Variants in ADCK1 observed in about 807,000 individuals in gnomAD.
ADCK1 encodes the protein aarF domain-containing protein kinase 1.
In ADCK1, 41 loss-of-function variants were observed where a neutral mutation model predicts 52.3. That is an observed-to-expected ratio of 0.78 (90% CI 0.61 to 1.02). ADCK1 has a LOEUF of 1.02. Ranked by LOEUF, ADCK1 falls within the 50% of genes least tolerant of loss-of-function variation. ADCK1 has a pLI of 0.00. For missense variants in ADCK1, 658 were observed against 679.5 expected, an observed-to-expected ratio of 0.97 and a Z score of 0.35; for synonymous variants, 250 against 274.6, an observed-to-expected ratio of 0.91 and a Z score of 0.89.
At chr14:77,887,602 A>G (rs1001371650) in intron 5 of ADCK1, among the ~76,000 whole-genome samples, 2 of 152,214 alleles carry the variant, frequency 1.3e-5, no homozygotes, top group African/African-American at 4.8e-5. Flanking sequence ...GGATAGACAA[A>G]ATTACATCTT....
intron 3 of ADCK1, among the ~76,000 whole-genome samples, chr14:77,844,225 C>T (rs140780004): frequency 1.1e-4 from 16 of 152,138 alleles, no homozygotes; most frequent in African/African-American, 2.9e-4. Flanking sequence ...GGACTACAAG[C>T]GCACACCACC....
chr14:77,819,223 A>G, intron 2 of ADCK1, 110 bp downstream of exon 2: 1 of 1,473,934 alleles, frequency 6.8e-7, no homozygotes, highest in Admixed American at 2.0e-5. Context: ...ATACTTGTGT[A>G]TCCTTACATG....
chr14:77,901,494 A>AT (rs1416090206), intron 6 of ADCK1, among the ~76,000 whole-genome samples: 1 of 151,652 alleles, frequency 6.6e-6, no homozygotes, highest in African/African-American at 2.4e-5. Context: ...GGTTCAGGCG[A>AT]TTCTCCTGCC....
chr14:77,827,510 A>G (rs181455320), intron 3 of ADCK1, among the ~76,000 whole-genome samples: 23 of 152,078 alleles, frequency 1.5e-4, no homozygotes, highest in African/African-American at 4.8e-4. Flanking sequence ...TTGCAGCCGA[A>G]TGAGTCCTTA....
intron 5 of ADCK1, among the ~76,000 whole-genome samples, chr14:77,898,569 C>T (rs906340923): frequency 6.6e-6 from 1 of 152,094 alleles, no homozygotes; most frequent in Non-Finnish European, 1.5e-5. Context: ...CTTGTTCTCA[C>T]TTATAAGTGG....
At chr14:77,900,177 T>C (rs2083502602) in intron 6 of ADCK1, among the ~76,000 whole-genome samples, 1 of 152,032 alleles carries the variant, frequency 6.6e-6, no homozygotes, top group African/African-American at 2.4e-5. Flanking sequence ...GTTAAATGGC[T>C]AAGAAATACA....
At chr14:77,819,904 G>A (rs2081544438) in intron 2 of ADCK1, among the ~76,000 whole-genome samples, 1 of 152,206 alleles carries the variant, frequency 6.6e-6, no homozygotes, top group Admixed American at 6.5e-5. Context: ...AATACTCAGT[G>A]TTGTCAGGTG....
chr14:77,892,417 C>T (rs982856682), intron 5 of ADCK1, among the ~76,000 whole-genome samples: 3 of 152,090 alleles, frequency 2.0e-5, no homozygotes, highest in African/African-American at 7.2e-5. Flanking sequence ...AATACTAACC[C>T]TTATTATCTC....
intron 3 of ADCK1, among the ~76,000 whole-genome samples, chr14:77,824,475 C>A (rs199661336): frequency 6.7e-6 from 1 of 148,414 alleles, no homozygotes; most frequent in African/African-American, 2.5e-5. Flanking sequence ...GCTCTGTTGC[C>A]CAGGCTGGAG....
At chr14:77,860,062 G>A (rs1486390070) in intron 4 of ADCK1, among the ~76,000 whole-genome samples, 2 of 152,114 alleles carry the variant, frequency 1.3e-5, no homozygotes, top group African/African-American at 4.8e-5. Context: ...CAAATCCCAG[G>A]CAGGGTGCTA....
chr14:77,831,244 C>A (rs1346422825), intron 3 of ADCK1, among the ~76,000 whole-genome samples: 2 of 152,180 alleles, frequency 1.3e-5, no homozygotes, highest in African/African-American at 4.8e-5. Context: ...TGAGCAAACT[C>A]TGTTTCTTCT....
At position 77,902,683 on chromosome 14, in the gene ADCK1, A is replaced by G. The variant is rs150143285; in HGVS notation, c.741+3425A>G. On this transcript the variant is annotated intron_variant, in intron 6 of 10. Coordinates refer to ENST00000238561, the MANE Select transcript of ADCK1 (RefSeq NM_020421.4). ...CAGGTTTGTTAGCACCATGACAGGC[A>G]TTCATCTGTGTTTCTGTGGATTCCC... is the stretch of plus-strand genomic sequence containing the variant. 5 of 152,360 alleles carry G rather than the reference A, an allele frequency of 3.3e-5. No homozygotes were observed. The East Asian group carries it at 9.6e-4, about 29-fold the overall frequency. 9.4% of individuals were successfully genotyped at this position (152,360 alleles called of 1,614,324 possible).
intron 4 of ADCK1, among the ~76,000 whole-genome samples, chr14:77,869,753 G>C (rs927897660): frequency 6.6e-6 from 1 of 152,168 alleles, no homozygotes; most frequent in Non-Finnish European, 1.5e-5. Flanking sequence ...TGGGACTCTT[G>C]TATCTCTCCC....
At chr14:77,916,862 C>T (rs2083937495) in intron 7 of ADCK1, among the ~76,000 whole-genome samples, 1 of 152,234 alleles carries the variant, frequency 6.6e-6, no homozygotes, top group Non-Finnish European at 1.5e-5. Flanking sequence ...TGCTGGGCAG[C>T]TGTTTTTAAT....
At chr14:77,814,894 A>AT (rs1334366848) in intron 1 of ADCK1, among the ~76,000 whole-genome samples, 14 of 147,700 alleles carry the variant, frequency 9.5e-5, no homozygotes, top group African/African-American at 3.6e-4. Context: ...ATTAAAAAAA[A>AT]ATTTTTTTTT....
At chr14:77,894,007 A>G (rs1209404245) in intron 5 of ADCK1, among the ~76,000 whole-genome samples, 1 of 152,200 alleles carries the variant, frequency 6.6e-6, no homozygotes. Context: ...TGCTGGGATT[A>G]CAGGCGTGAG....
chr14:77,921,614 A>G (rs1300472414), intron 7 of ADCK1, among the ~76,000 whole-genome samples: 2 of 152,124 alleles, frequency 1.3e-5, no homozygotes, highest in Admixed American at 6.5e-5. Flanking sequence ...GTCTCTGTCT[A>G]TGCTGGTGAA....
intron 4 of ADCK1, among the ~76,000 whole-genome samples, chr14:77,864,518 AG>A (rs1013092452): frequency 6.6e-6 from 1 of 152,058 alleles, no homozygotes; most frequent in Non-Finnish European, 1.5e-5. Context: ...AGGGGGTAAA[AG>A]GTGCCCTCTT....
At chr14:77,801,991 T>G (rs891139772) in intron 1 of ADCK1, among the ~76,000 whole-genome samples, 3 of 151,864 alleles carry the variant, frequency 2.0e-5, no homozygotes, top group Non-Finnish European at 4.4e-5. Context: ...CCAGGGTAAC[T>G]CACTAAATAT....
Sources: allele counts gnomAD v4.1 joint callset (sites outside exome capture counted in the v4.1 genomes callset), GRCh38; gene constraint gnomAD v4.1.1; transcripts MANE v1.5; gene names NCBI Gene and HGNC (gene_info 2026-07-23, HGNC 2026-07-21).